The following NKAIN3 variants were observed in gnomAD, a reference collection of about 807,000 sequenced individuals.
The protein encoded by NKAIN3 is sodium/potassium transporting ATPase interacting 3.
In NKAIN3, 25 loss-of-function variants were observed where a neutral mutation model predicts 30.2. The ratio of observed to expected loss-of-function variants is 0.83; its 90% confidence interval spans 0.60 to 1.16. NKAIN3 has a LOEUF of 1.16. Ranked by LOEUF, NKAIN3 falls within the 50% of genes most tolerant of loss-of-function variation. The pLI is 0.00. For missense variants in NKAIN3, 225 were observed against 254.1 expected (o/e 0.89, Z 0.78); for synonymous variants, 91 against 89.6 (o/e 1.02, Z -0.09).
At position 62,460,014 on chromosome 8, in the gene NKAIN3, C is replaced by T. The variant is rs77121195; in HGVS notation, c.55-119525C>T. 4.7e-3 allele frequency among the ~76,000 whole-genome samples: 722 copies of T among 152,226 alleles called. 6 individuals carry two copies. The highest frequency in any genetic ancestry group is 0.016 in the African/African-American group (684 of 41,522). ...GTAATGTGGTACAATTCAAAACAGA[C>T]CAGTTAGGAGGCTCTTATAATAGAA... On this transcript the variant is annotated intron_variant, in intron 1 of 6. Coordinates refer to ENST00000623646, the MANE Select transcript of NKAIN3 (RefSeq NM_001304533.3).
chr8:62,816,665 G>A (rs763734539), intron 4 of NKAIN3, among the ~76,000 whole-genome samples: 5 of 152,064 alleles, frequency 3.3e-5, no homozygotes, highest in Non-Finnish European at 7.4e-5. Context: ...TGGGGTCAGC[G>A]CTGTACAATT....
intron 4 of NKAIN3, among the ~76,000 whole-genome samples, chr8:62,805,421 C>T (rs1166425812): frequency 1.3e-5 from 2 of 151,906 alleles, no homozygotes; most frequent in Non-Finnish European, 2.9e-5. Flanking sequence ...GCTACAGTAA[C>T]CAAAACAGCA....
intron 4 of NKAIN3, among the ~76,000 whole-genome samples, chr8:62,912,067 G>A (rs905729937): frequency 6.6e-6 from 1 of 152,106 alleles, no homozygotes; most frequent in Non-Finnish European, 1.5e-5. Flanking sequence ...CACAGAACTA[G>A]GTGGTGTAGC....
At chr8:62,424,391 C>T (rs546866676) in intron 1 of NKAIN3, among the ~76,000 whole-genome samples, 62 of 151,656 alleles carry the variant, frequency 4.1e-4, no homozygotes, top group African/African-American at 1.4e-3. Context: ...ATATGTAAAC[C>T]ATACATCTAA....
At chr8:62,650,525 GTTTTTA>G (rs1812591075) in intron 3 of NKAIN3, among the ~76,000 whole-genome samples, 1 of 152,098 alleles carries the variant, frequency 6.6e-6, no homozygotes, top group Non-Finnish European at 1.5e-5. Flanking sequence ...ATGCTTCTGT[GTTTTTA>G]TTTCTATTCT....
intron 4 of NKAIN3, among the ~76,000 whole-genome samples, chr8:62,845,462 T>G (rs1006911211): frequency 9.9e-5 from 15 of 151,576 alleles, no homozygotes; most frequent in African/African-American, 3.6e-4. Context: ...GACCTGAATA[T>G]GAGTCCTGTC....
At chr8:62,881,321 T>A (rs920232469) in intron 4 of NKAIN3, among the ~76,000 whole-genome samples, 1 of 152,240 alleles carries the variant, frequency 6.6e-6, no homozygotes, top group Non-Finnish European at 1.5e-5. Context: ...TGACAATCAC[T>A]GATTCTTTTA....
At chr8:62,901,790 C>T (rs1236135195) in intron 4 of NKAIN3, among the ~76,000 whole-genome samples, 1 of 152,182 alleles carries the variant, frequency 6.6e-6, no homozygotes, top group Non-Finnish European at 1.5e-5. Flanking sequence ...CTCTTACATT[C>T]TCCTGAGAAC....
rs182514855 is a variant in NKAIN3 at position 62,993,969 on chromosome 8, C to T, written c.533-5262C>T. Among the ~76,000 whole-genome samples the T allele has an allele frequency of 1.6e-3, 250 of 152,204 alleles. 1 individual carries two copies. Among genetic ancestry groups the T allele is most frequent in the Admixed American group, 5.6e-3 (86 of 15,288 alleles). ...TAACTTCAGGTCACTGGTTTAATGCCCTTACATTATTCCAGAGCCTTTTAT... is the reference window on the plus strand; with the variant it reads ...TAACTTCAGGTCACTGGTTTAATGCTCTTACATTATTCCAGAGCCTTTTAT... On this transcript the variant is annotated intron_variant, in intron 5 of 5. Transcript: ENST00000519049.
At chr8:62,710,561 A>G (rs984440027) in intron 3 of NKAIN3, among the ~76,000 whole-genome samples, 1 of 152,098 alleles carries the variant, frequency 6.6e-6, no homozygotes, top group Non-Finnish European at 1.5e-5. Context: ...TTTAGTGTCC[A>G]TTTGCATGAA....
rs1811241844 is a variant in NKAIN3 at position 62,610,026 on chromosome 8, C to T, written c.273+20232C>T. Among the ~76,000 whole-genome samples, 6 of 152,120 alleles carry T rather than the reference C, an allele frequency of 3.9e-5. No individual in the cohort carries two copies. In the South Asian group the frequency reaches 1.2e-3, roughly 32 times the overall value. The stretch of plus-strand genomic sequence containing the variant: ...ACAAGAGTGAAAGTAAGATGACCCA[C>T]AGAGATCATGGTGGTCCAGGTAAGA... On this transcript the variant is annotated intron_variant, in intron 3 of 6. Coordinates refer to ENST00000623646, the MANE Select transcript of NKAIN3 (RefSeq NM_001304533.3).
At chr8:62,432,446 G>C (rs1476425619) in intron 1 of NKAIN3, among the ~76,000 whole-genome samples, 2 of 152,064 alleles carry the variant, frequency 1.3e-5, no homozygotes, top group African/African-American at 4.8e-5. Context: ...TTGTAGAATG[G>C]TTTAGGTTTG....
rs1023872633 is a variant in NKAIN3, at chr8:62,970,901, A to G, written c.*5494A>G. ...CTTCTCATAGAATTTGCTTTGGCAG[A>G]CAACTTAGTCTATATTAGTTAGGAT... On this transcript the variant is annotated 3_prime_UTR_variant, in exon 7 of 7. Coordinates refer to ENST00000623646, the MANE Select transcript of NKAIN3 (RefSeq NM_001304533.3). Among the ~76,000 whole-genome samples, 6 of 152,230 alleles carry G rather than the reference A, an allele frequency of 3.9e-5. No individual in the cohort carries two copies. Among genetic ancestry groups the G allele is most frequent in the African/African-American group, 1.4e-4 (6 of 41,456 alleles).
chr8:62,585,827 C>T (rs947443225), intron 2 of NKAIN3, among the ~76,000 whole-genome samples: 2 of 152,128 alleles, frequency 1.3e-5, no homozygotes, highest in Non-Finnish European at 2.9e-5. Context: ...CATATTTACC[C>T]TTCACAAAGC....
intron 1 of NKAIN3, among the ~76,000 whole-genome samples, chr8:62,568,602 T>C (rs932351186): frequency 1.6e-4 from 25 of 152,292 alleles, no homozygotes; most frequent in African/African-American, 5.5e-4. Context: ...ATCTGTCTAT[T>C]TGCAATGTAA....
chr8:62,589,925 A>G, intron 3 of NKAIN3, 131 bp downstream of exon 3: 2 of 471,878 alleles, frequency 4.2e-6, no homozygotes, highest in South Asian at 7.8e-5. Context: ...GTATAGAATG[A>G]TAAAATACTA....
chr8:62,752,827 T>A (rs1214956025), intron 4 of NKAIN3, among the ~76,000 whole-genome samples: 1 of 152,166 alleles, frequency 6.6e-6, no homozygotes, highest in African/African-American at 2.4e-5. Context: ...TAATTGGAAG[T>A]AATTTAATGA....
intron 1 of NKAIN3, among the ~76,000 whole-genome samples, chr8:62,527,882 G>GGTGTGT (rs68020312): frequency 0.078 from 11,226 of 143,632 alleles, 606 homozygotes; most frequent in African/African-American, 0.16. Flanking sequence ...ACTTTTTTTT[G>GGTGTGT]GTGTGTGTGT....
intron 1 of NKAIN3, among the ~76,000 whole-genome samples, chr8:62,564,637 T>C (rs1397212257): frequency 6.6e-6 from 1 of 152,102 alleles, no homozygotes; most frequent in Non-Finnish European, 1.5e-5. Flanking sequence ...ATCAATTCAG[T>C]AGGTCTAGGC....
Sources: allele counts gnomAD v4.1 joint callset (sites outside exome capture counted in the v4.1 genomes callset), GRCh38; gene constraint gnomAD v4.1.1; transcripts MANE v1.5; gene names NCBI Gene and HGNC (gene_info 2026-07-23, HGNC 2026-07-21).